Variants in LATS2 observed in about 807,000 individuals in gnomAD.
LATS2 encodes the protein serine/threonine-protein kinase LATS2.
LATS2 carries 24 observed loss-of-function variants against 76.0 expected under a neutral mutation model. The ratio of observed to expected loss-of-function variants is 0.32; its 90% CI spans 0.23 to 0.44. LATS2 has a LOEUF of 0.44. LATS2 is among the 20% of genes least tolerant of loss of function. The probability of loss-of-function intolerance (pLI) is 1.00; values close to 1 mark genes in which losing one functional copy is unlikely to be tolerated. For missense variants in LATS2, 1,286 were observed against 1,481.2 expected (o/e 0.87, Z 2.16); for synonymous variants, 692 against 635.4 (o/e 1.09, Z -1.34).
intron 2 of LATS2, among the ~76,000 whole-genome samples, chr13:21,027,936 A>G (rs1431839653): frequency 6.6e-6 from 1 of 151,622 alleles, no homozygotes; most frequent in Non-Finnish European, 1.5e-5. Flanking sequence ...TTTATTTTTT[A>G]TTATTATTAT....
intron 7 of LATS2, among the ~76,000 whole-genome samples, chr13:20,977,765 T>TACCATTAAAATAATTAG (rs1555223299): frequency 1.1e-3 from 167 of 150,842 alleles, no homozygotes; most frequent in Middle Eastern, 3.4e-3. Flanking sequence ...AATTTTATGT[T>TACCATTAAAATAATTAG]ATGTATATTT....
At position 20,983,634 on chromosome 13, in the gene LATS2, T is replaced by G. The variant is rs768711180; in HGVS notation, c.2072A>C (p.His691Pro). Residue 691 changes from histidine to proline, a missense_variant, in exon 5 of 8, where the codon CAC (histidine) becomes CCC (proline). By Grantham distance (77) the His-to-Pro change is moderately conservative. Around this residue, in one of 5 missense-constraint regions of LATS2, gnomAD observed 247 missense variants for 385.4 expected, o/e 0.64. Transcript: ENST00000382592. ...EVCLACKVDT[H>P]ALYAMKTLRK... ...TAGGGTCTTCATGGCGTACAGGGCG[T>G]GAGTGTCCACCTTACAAGCAAGGCA... 2.2e-5 allele frequency: 36 copies of G among 1,614,004 alleles called. No individual in the cohort carries two copies. In the African/African-American group the frequency reaches 3.9e-4, roughly 17 times the overall value.
At chr13:21,044,689 G>GGTGTGTGTGTGTGTGTGTGT (rs71090554) in intron 2 of LATS2, among the ~76,000 whole-genome samples, 4 of 137,686 alleles carry the variant, frequency 2.9e-5, no homozygotes, top group African/African-American at 1.1e-4. Flanking sequence ...GAGGTGTAGG[G>GGTGTGTGTGTGTGTGTGTGT]GTGTGTGTGT....
At chr13:20,999,003 G>A (rs1213346061) in intron 2 of LATS2, among the ~76,000 whole-genome samples, 2 of 150,314 alleles carry the variant, frequency 1.3e-5, no homozygotes, top group Non-Finnish European at 3.0e-5. Context: ...AGGGATCCCC[G>A]CGACCTTGTG....
At chr13:21,059,925 A>ACTC (rs1725496371) in intron 1 of LATS2, among the ~76,000 whole-genome samples, 1 of 152,114 alleles carries the variant, frequency 6.6e-6, no homozygotes, top group Admixed American at 6.5e-5. Flanking sequence ...AGATCGCGCC[A>ACTC]CTCCCCTCCA....
At chr13:21,039,844 T>A (rs1349136218) in intron 2 of LATS2, among the ~76,000 whole-genome samples, 2 of 152,032 alleles carry the variant, frequency 1.3e-5, no homozygotes, top group Non-Finnish European at 2.9e-5. Context: ...AAGCTGAGGG[T>A]GAGTGGATCC....
chr13:21,014,110 A>G (rs79468711), intron 2 of LATS2, among the ~76,000 whole-genome samples: 3,678 of 152,194 alleles, frequency 0.024, 60 homozygotes, highest in East Asian at 0.06. Context: ...TAAAATGCCA[A>G]AGAATGTAGG....
At chr13:21,027,666 A>C (rs561347902) in intron 2 of LATS2, among the ~76,000 whole-genome samples, 1 of 152,338 alleles carries the variant, frequency 6.6e-6, no homozygotes, top group African/African-American at 2.4e-5. Flanking sequence ...AGTCAGGTCT[A>C]GCAGTTTTGA....
At chr13:20,997,182 C>G (rs781452039) in intron 2 of LATS2, among the ~76,000 whole-genome samples, 5 of 152,236 alleles carry the variant, frequency 3.3e-5, no homozygotes, top group Non-Finnish European at 7.3e-5. Flanking sequence ...CACTGGTTTA[C>G]TGCTGCTACT....
intron 4 of LATS2, among the ~76,000 whole-genome samples, chr13:20,984,136 G>A (rs755985643): frequency 6.6e-6 from 1 of 152,162 alleles, no homozygotes; most frequent in Non-Finnish European, 1.5e-5. Context: ...GTTTCATCAT[G>A]TTGGCCAGGC....
intron 2 of LATS2, among the ~76,000 whole-genome samples, chr13:20,992,458 G>A (rs919526724): frequency 9.2e-5 from 14 of 152,146 alleles, no homozygotes; most frequent in African/African-American, 2.9e-4. Context: ...GCCCAGTGGC[G>A]CGGGGCGGTG....
intron 2 of LATS2, among the ~76,000 whole-genome samples, chr13:21,004,673 C>T (rs1031713915): frequency 1.3e-5 from 2 of 152,148 alleles, no homozygotes; most frequent in East Asian, 1.9e-4. Flanking sequence ...TGGCAGGAAG[C>T]GCTTTGCTCT....
intron 2 of LATS2, among the ~76,000 whole-genome samples, chr13:21,001,459 T>C (rs1871037448): frequency 6.6e-6 from 1 of 152,162 alleles, no homozygotes; most frequent in African/African-American, 2.4e-5. Flanking sequence ...TCTCTATCAA[T>C]GGAATGAGCA....
At chr13:20,979,004 T>C (rs922106912) in intron 7 of LATS2, among the ~76,000 whole-genome samples, 2 of 152,132 alleles carry the variant, frequency 1.3e-5, no homozygotes, top group Non-Finnish European at 2.9e-5. Flanking sequence ...TCAGGTAATC[T>C]GCCCACCTTG....
Position 20,973,722 on chromosome 13 carries a change from T to C in LATS2, c.*1148A>G, listed in dbSNP as rs1199910816. ...AAAAGTGAGAGAACCATTAGATCAC[T>C]CAGTTTCCTGACAGTAACAGAAGAA... On this transcript the variant is annotated 3_prime_UTR_variant, in exon 8 of 8. Transcript: ENST00000382592. 1 of 230,148 alleles carries C rather than the reference T, an allele frequency of 4.3e-6. No homozygotes were observed. Among genetic ancestry groups the C allele is most frequent in the African/African-American group, 2.2e-5 (1 of 45,166 alleles). The allele number at this position is 230,148 out of a possible 1,614,324, so 14.3% of individuals were successfully genotyped here. A position where few individuals can be genotyped will look rare whatever the true frequency, so the allele number is the denominator to read the frequency against.
chr13:21,052,322 C>G (rs962222880), intron 1 of LATS2, among the ~76,000 whole-genome samples: 1 of 152,136 alleles, frequency 6.6e-6, no homozygotes, highest in African/African-American at 2.4e-5. Context: ...AACACAGAAA[C>G]AGGTTGCTTG....
intron 2 of LATS2, among the ~76,000 whole-genome samples, chr13:20,992,515 G>A (rs1038683931): frequency 6.6e-6 from 1 of 152,164 alleles, no homozygotes; most frequent in African/African-American, 2.4e-5. Flanking sequence ...CAGCTCCGCA[G>A]AGCTGTAGGC....
At chr13:21,009,978 C>A (rs140360611) in intron 2 of LATS2, among the ~76,000 whole-genome samples, 1 of 152,192 alleles carries the variant, frequency 6.6e-6, no homozygotes, top group East Asian at 1.9e-4. Flanking sequence ...GGTGGACAGA[C>A]TGCCTGAGGT....
At chr13:21,004,676 T>C (rs967262816) in intron 2 of LATS2, among the ~76,000 whole-genome samples, 1 of 152,160 alleles carries the variant, frequency 6.6e-6, no homozygotes, top group Non-Finnish European at 1.5e-5. Flanking sequence ...CAGGAAGCGC[T>C]TTGCTCTAAT....
Sources: gnomAD v4.1 joint callset for allele counts (sites outside exome capture counted in the v4.1 genomes callset) on GRCh38, gnomAD v4.1.1 for gene constraint, gnomAD v4.1.1 regional missense constraint, MANE v1.5 for transcripts, NCBI Gene and HGNC (gene_info 2026-07-23, HGNC 2026-07-21) for gene names.